The following SLCO2A1 variants were observed in gnomAD, a reference collection of about 807,000 sequenced individuals.
SLCO2A1 encodes solute carrier organic anion transporter family member 2A1.
Under a neutral mutation model 71.7 loss-of-function variants are expected in SLCO2A1, and 60 were observed. The ratio of observed to expected loss-of-function variants is 0.84; its 90% CI spans 0.68 to 1.04. SLCO2A1 has a LOEUF of 1.04. Ranked by LOEUF, SLCO2A1 falls within the 50% of genes least tolerant of loss-of-function variation. The probability of loss-of-function intolerance (pLI) is 0.00; values close to 1 mark genes in which losing one functional copy is unlikely to be tolerated. For synonymous variants in SLCO2A1, 308 were observed against 326.7 expected, an observed-to-expected ratio of 0.94 and a Z score of 0.62; for missense variants, 745 against 813.4, an observed-to-expected ratio of 0.92 and a Z score of 1.02.
intron 1 of SLCO2A1, among the ~76,000 whole-genome samples, chr3:134,023,248 C>G (rs77042085): frequency 1.3e-5 from 2 of 152,206 alleles, no homozygotes; most frequent in African/African-American, 4.8e-5. Flanking sequence ...CAAACTAAAG[C>G]TAAGAAAAAT....
intron 1 of SLCO2A1, among the ~76,000 whole-genome samples, chr3:133,986,632 C>T (rs765356198): frequency 1.2e-4 from 18 of 152,130 alleles, no homozygotes; most frequent in East Asian, 3.9e-4. Flanking sequence ...GGAGTGGCCA[C>T]GAAGTTCTTT....
At chr3:134,004,341 T>C (rs1477922823) in intron 1 of SLCO2A1, among the ~76,000 whole-genome samples, 1 of 152,222 alleles carries the variant, frequency 6.6e-6, no homozygotes, top group East Asian at 1.9e-4. Context: ...TTTTTTGTTT[T>C]GTTTTTGTTT....
At chr3:134,009,940 G>A (rs574865837) in intron 1 of SLCO2A1, among the ~76,000 whole-genome samples, 27 of 152,312 alleles carry the variant, frequency 1.8e-4, no homozygotes, top group Non-Finnish European at 3.7e-4. Context: ...GCCTCCCAAT[G>A]TCCTCCACTA....
At chr3:133,974,851 C>T (rs990399798) in intron 2 of SLCO2A1, among the ~76,000 whole-genome samples, 1 of 152,214 alleles carries the variant, frequency 6.6e-6, no homozygotes, top group Admixed American at 6.5e-5. Flanking sequence ...ACCCCACTTT[C>T]CTCCTGGGTG....
chr3:133,974,766 G>A (rs961413534), intron 2 of SLCO2A1, among the ~76,000 whole-genome samples: 1 of 152,144 alleles, frequency 6.6e-6, no homozygotes, highest in Non-Finnish European at 1.5e-5. Flanking sequence ...ACCAAAGATG[G>A]TCCTCTCCTC....
At chr3:133,992,832 G>A (rs770314698) in intron 1 of SLCO2A1, among the ~76,000 whole-genome samples, 6 of 152,120 alleles carry the variant, frequency 3.9e-5, no homozygotes, top group Non-Finnish European at 5.9e-5. Flanking sequence ...CACTTTCATT[G>A]GCTGTTAAAT....
intron 1 of SLCO2A1, among the ~76,000 whole-genome samples, chr3:134,020,682 GT>G (rs1935555730): frequency 6.6e-6 from 1 of 150,554 alleles, no homozygotes; most frequent in African/African-American, 2.4e-5. Context: ...CGGCACTTTG[GT>G]TTTGGTTTTG....
chr3:134,015,107 T>C (rs1935419517), intron 1 of SLCO2A1, among the ~76,000 whole-genome samples: 1 of 152,184 alleles, frequency 6.6e-6, no homozygotes, highest in African/African-American at 2.4e-5. Context: ...ACACATACCA[T>C]TGCCCAATAA....
At chr3:133,958,283 T>C (rs573658304) in intron 3 of SLCO2A1, among the ~76,000 whole-genome samples, 3 of 152,244 alleles carry the variant, frequency 2.0e-5, no homozygotes, top group Admixed American at 6.5e-5. Context: ...CTCTCTATGT[T>C]GGTGATTTTG....
chr3:133,959,830 A>G (rs1933990138), intron 3 of SLCO2A1, among the ~76,000 whole-genome samples: 1 of 152,038 alleles, frequency 6.6e-6, no homozygotes, highest in Admixed American at 6.6e-5. Context: ...AAAAAAATAA[A>G]TACTAATGGG....
At chr3:133,985,243 C>T (rs576801664) in intron 1 of SLCO2A1, among the ~76,000 whole-genome samples, 26 of 152,332 alleles carry the variant, frequency 1.7e-4, no homozygotes, top group African/African-American at 5.1e-4. Flanking sequence ...TCCTCCCTCA[C>T]GAATATGTGC....
At chr3:133,964,830 G>T (rs1934126607) in intron 3 of SLCO2A1, among the ~76,000 whole-genome samples, 1 of 152,192 alleles carries the variant, frequency 6.6e-6, no homozygotes, top group African/African-American at 2.4e-5. Flanking sequence ...TGCCCAACAA[G>T]GCAGGGTGCT....
At chr3:134,004,870 C>G (rs893209279) in intron 1 of SLCO2A1, among the ~76,000 whole-genome samples, 4 of 152,206 alleles carry the variant, frequency 2.6e-5, no homozygotes, top group Middle Eastern at 3.2e-3. Flanking sequence ...ACTCCAGAAC[C>G]ATTAGACAAT....
At chr3:134,002,380 C>T (rs1329516097) in intron 1 of SLCO2A1, among the ~76,000 whole-genome samples, 1 of 152,204 alleles carries the variant, frequency 6.6e-6, no homozygotes, top group African/African-American at 2.4e-5. Flanking sequence ...CTCTGGGAGG[C>T]CTTCCCTGGC....
At chr3:134,011,968 G>A (rs1021893113) in intron 1 of SLCO2A1, among the ~76,000 whole-genome samples, 1 of 152,170 alleles carries the variant, frequency 6.6e-6, no homozygotes, top group Admixed American at 6.5e-5. Flanking sequence ...AACTTGCAAG[G>A]CCTAGTGCAG....
intron 13 of SLCO2A1, 133 bp from the exon 14 acceptor site, chr3:133,934,963 A>T (rs1576423255): frequency 1.5e-6 from 1 of 663,150 alleles, no homozygotes; most frequent in East Asian, 2.7e-5. Context: ...CCAGGTGAGG[A>T]TCACTTTCCT....
At chr3:134,026,342 C>A (rs1935700818) in intron 1 of SLCO2A1, among the ~76,000 whole-genome samples, 1 of 151,414 alleles carries the variant, frequency 6.6e-6, no homozygotes, top group Non-Finnish European at 1.5e-5. Context: ...ACAGCCCCCA[C>A]TGGATTATAC....
chr3:134,024,891 CAG>C (rs1205222367), intron 1 of SLCO2A1, among the ~76,000 whole-genome samples: 2 of 152,194 alleles, frequency 1.3e-5, no homozygotes, highest in African/African-American at 4.8e-5. Context: ...CTCCCAGTAT[CAG>C]AGAGCCCAGT....
intron 3 of SLCO2A1, among the ~76,000 whole-genome samples, chr3:133,971,896 T>C (rs1021024590): frequency 6.6e-6 from 1 of 152,104 alleles, no homozygotes; most frequent in African/African-American, 2.4e-5. Flanking sequence ...TAAATGTAAA[T>C]GCCAAACCAC....
Sources: gnomAD v4.1 joint callset for allele counts (sites outside exome capture counted in the v4.1 genomes callset) on GRCh38, gnomAD v4.1.1 for gene constraint, MANE v1.5 for transcripts, NCBI Gene and HGNC (gene_info 2026-07-23, HGNC 2026-07-21) for gene names.